The following PRSS48 variants were observed in gnomAD, a reference collection of about 807,000 sequenced individuals.
PRSS48 encodes epidermis-specific serine protease-like protein.
PRSS48 carries 21 observed loss-of-function variants against 25.6 expected under a neutral mutation model. The ratio of observed to expected loss-of-function variants is 0.82; its 90% CI spans 0.58 to 1.18. The LOEUF is 1.18. Ranked by LOEUF, PRSS48 falls within the 50% of genes most tolerant of loss-of-function variation. PRSS48 has a pLI of 0.00. For missense variants in PRSS48, 373 were observed against 399.3 expected, an observed-to-expected ratio of 0.93 and a Z score of 0.56; for synonymous variants, 150 against 149.3, an observed-to-expected ratio of 1.00 and a Z score of -0.04.
At chr4:151,286,879 C>G (rs1774841955) in intron 4 of PRSS48, among the ~76,000 whole-genome samples, 2 of 151,684 alleles carry the variant, frequency 1.3e-5, no homozygotes, top group Non-Finnish European at 1.5e-5. Flanking sequence ...ACTCGGGAGG[C>G]TGAGGCATGA....
chr4:151,282,789 A>C (rs1012638694), intron 3 of PRSS48, among the ~76,000 whole-genome samples: 2 of 152,176 alleles, frequency 1.3e-5, no homozygotes, highest in African/African-American at 4.8e-5. Flanking sequence ...ACAAGAACTG[A>C]TCTAGAAGCA....
In PRSS48 at chr4:151,279,999, G is replaced by A. The variant is rs777468377; in HGVS notation, c.215+41G>A. 11 of 1,286,016 alleles carry A rather than the reference G, an allele frequency of 8.6e-6. No homozygotes were observed. In the South Asian group the frequency reaches 1.7e-4, roughly 20 times the overall value. The allele number at this position is 1,286,016 out of a possible 1,614,324, so 79.7% of individuals were successfully genotyped here. On this transcript the variant is annotated intron_variant, in intron 2 of 4. Transcript: ENST00000455694. Reference sequence around the variant, plus strand: ...CAGCTAACACACAGACAGGTTCTCAGTGAATATTTGCATCACTTCATGAAT... The same window carrying A: ...CAGCTAACACACAGACAGGTTCTCAATGAATATTTGCATCACTTCATGAAT...
intron 2 of PRSS48, among the ~76,000 whole-genome samples, chr4:151,281,829 G>A (rs749558032): frequency 5.9e-5 from 9 of 152,084 alleles, no homozygotes; most frequent in Non-Finnish European, 1.0e-4. Context: ...ACAATAAACA[G>A]CAATGTCTAT....
At chr4:151,283,324 A>G in intron 4 of PRSS48, 38 bp downstream of exon 4, 2 of 1,598,024 alleles carry the variant, frequency 1.3e-6, no homozygotes, top group Non-Finnish European at 1.7e-6. Context: ...TTTAAACATG[A>G]GATCTTAATT....
exon 4 of PRSS48, chr4:151,283,229 C>T (rs1580401232): frequency 6.2e-7 from 1 of 1,613,782 alleles, no homozygotes; most frequent in Non-Finnish European, 8.5e-7. Context: ...TGGAGCCAGT[C>T]ATCAAGGAAG....
chr4:151,283,338 A>T, intron 4 of PRSS48, 52 bp downstream of exon 4: 1 of 1,559,196 alleles, frequency 6.4e-7, no homozygotes, highest in Non-Finnish European at 8.8e-7. Flanking sequence ...CTTAATTTGG[A>T]TCCAGGTTTT....
chr4:151,287,773 G>A (rs537041920), intron 4 of PRSS48, among the ~76,000 whole-genome samples: 19 of 152,242 alleles, frequency 1.2e-4, no homozygotes, highest in South Asian at 1.2e-3. Context: ...TCAGCTACTC[G>A]GTAGGCTGCG....
At chr4:151,285,531 C>A (rs185065495) in intron 4 of PRSS48, among the ~76,000 whole-genome samples, 1 of 152,160 alleles carries the variant, frequency 6.6e-6, no homozygotes, top group East Asian at 1.9e-4. Context: ...AATGAAGAAA[C>A]AACATATCAA....
chr4:151,283,012 G>A, intron 3 of PRSS48, 105 bp from the exon 4 acceptor site: 2 of 953,094 alleles, frequency 2.1e-6, no homozygotes, highest in South Asian at 4.0e-5. Context: ...GGCATTGTAA[G>A]CTGCTTTTGG....
In PRSS48 at chr4:151,291,428, G is replaced by A. The variant is rs139243794; in HGVS notation, c.962G>A (p.Trp321Ter). Residue 321 changes from tryptophan (W) to a stop codon, truncating the protein, a stop_gained, in exon 5 of 5, where the codon TGG (tryptophan) becomes TAG (stop). Transcript: ENST00000455694. LOFTEE classifies it high-confidence loss of function. ...ATACAGGGCTGGGAAGAGAATGCAT[G>A]GAGATTTAGTCCCAGGGGCAGATAA... 6.2e-7 allele frequency: 1 copy of A among 1,612,676 alleles called. No individual in the cohort carries two copies. The highest frequency in any genetic ancestry group is 1.7e-5 in the Admixed American group (1 of 59,930).
intron 4 of PRSS48, among the ~76,000 whole-genome samples, chr4:151,290,182 T>C (rs1490325651): frequency 2.0e-5 from 3 of 152,206 alleles, no homozygotes; most frequent in Admixed American, 1.3e-4. Flanking sequence ...ATGCCTGGCC[T>C]GATCCTCCTG....
chr4:151,281,801 G>T (rs1024578411), intron 2 of PRSS48, among the ~76,000 whole-genome samples: 1 of 152,064 alleles, frequency 6.6e-6, no homozygotes, highest in African/African-American at 2.4e-5. Context: ...CTAGTGCTCA[G>T]AACAGAAATT....
At chr4:151,282,435 G>C in intron 3 of PRSS48, 22 bp downstream of exon 3, 6 of 1,611,804 alleles carry the variant, frequency 3.7e-6, no homozygotes, top group Non-Finnish European at 5.1e-6. Context: ...CAGAGAGAAG[G>C]GTTGTTTCAT....
At chr4:151,284,460 G>T (rs1465505531) in intron 4 of PRSS48, among the ~76,000 whole-genome samples, 14 of 152,062 alleles carry the variant, frequency 9.2e-5, no homozygotes, top group Admixed American at 9.2e-4. Context: ...TCTCTGCCAA[G>T]ATTTTCTAGC....
At chr4:151,283,038 C>A in intron 3 of PRSS48, 79 bp from the exon 4 acceptor site, 1 of 1,349,322 alleles carries the variant, frequency 7.4e-7, no homozygotes, top group Non-Finnish European at 1.0e-6. Flanking sequence ...CATTCAGAGA[C>A]TTCTGCACAT....
intron 4 of PRSS48, among the ~76,000 whole-genome samples, chr4:151,285,882 T>A (rs1222623342): frequency 1.3e-5 from 2 of 151,524 alleles, no homozygotes; most frequent in East Asian, 3.9e-4. Flanking sequence ...CTCTTAAAAA[T>A]ATATATATAC....
intron 4 of PRSS48, among the ~76,000 whole-genome samples, chr4:151,285,880 A>AAT (rs1287718605): frequency 6.6e-6 from 1 of 151,960 alleles, no homozygotes; most frequent in Non-Finnish European, 1.5e-5. Context: ...GTCTCTTAAA[A>AAT]ATATATATAT....
At chr4:151,282,003 T>C in intron 2 of PRSS48, 145 bp from the exon 3 acceptor site, 1 of 785,832 alleles carries the variant, frequency 1.3e-6, no homozygotes, top group Non-Finnish European at 2.1e-6. Flanking sequence ...AGGAGACAAA[T>C]CAACCCTAGT....
chr4:151,289,463 T>C (rs1236859365), intron 4 of PRSS48, among the ~76,000 whole-genome samples: 2 of 152,166 alleles, frequency 1.3e-5, no homozygotes, highest in African/African-American at 4.8e-5. Flanking sequence ...GAAGAAAATA[T>C]TTGCAAATCA....
Sources: gnomAD v4.1 joint callset for allele counts (sites outside exome capture counted in the v4.1 genomes callset) on GRCh38, gnomAD v4.1.1 for gene constraint, MANE v1.5 for transcripts, NCBI Gene and HGNC (gene_info 2026-07-23, HGNC 2026-07-21) for gene names.